CHD1: variants seen among roughly 807,000 people sequenced by gnomAD.
The protein encoded by CHD1 is ATP-dependent chromatin remodeler CHD1.
Under a neutral mutation model 224.2 loss-of-function variants are expected in CHD1, and 36 were observed. The observed-to-expected ratio is 0.16, with a 90% CI of 0.12 to 0.21. The LOEUF (loss-of-function observed/expected upper bound fraction) is 0.21, where lower values mean the gene tolerates loss of function less well. Ranked by LOEUF, CHD1 falls within the 10% of genes least tolerant of loss-of-function variation. The pLI, the probability that CHD1 is intolerant of heterozygous loss-of-function variation, is 1.00. For synonymous variants in CHD1, 668 were observed against 658.3 expected (o/e 1.01, Z -0.23); for missense variants, 1,378 against 1,994.8 (o/e 0.69, Z 5.89).
intron 9 of CHD1, 99 bp downstream of exon 9, chr5:98,898,565 C>G (rs1218161432): frequency 1.7e-6 from 2 of 1,194,248 alleles, no homozygotes; most frequent in African/African-American, 3.1e-5. Context: ...TTAGTAAGAG[C>G]AAGCTACTGT....
In CHD1 at chr5:98,901,309, C is replaced by G. The variant is rs757982108; in HGVS notation, c.464G>C (p.Gly155Ala). 6.2e-7 allele frequency: 1 copy of G among 1,610,894 alleles called. No individual in the cohort carries two copies. Among genetic ancestry groups the G allele is most frequent in the Non-Finnish European group, 8.5e-7 (1 of 1,179,220 alleles). Reference protein sequence around the residue: ...KDEDWQMSGSGSPSQSGSDSE... With the variant: ...KDEDWQMSGSASPSQSGSDSE... The stretch of plus-strand genomic sequence containing the variant: ...ATCTGAACCAGACTGAGATGGAGAT[C>G]CTGACCCAGACATTTGCCAATCTTC... The change falls in exon 6 of 36, where the codon GGA (glycine) becomes GCA (alanine). Residue 155 changes from glycine (G) to alanine (A), a missense_variant. Coordinates refer to ENST00000614616, the MANE Select transcript of CHD1 (RefSeq NM_001270.4).
chr5:98,866,384 T>C (rs1301013563), intron 31 of CHD1, among the ~76,000 whole-genome samples: 1 of 152,130 alleles, frequency 6.6e-6, no homozygotes, highest in Non-Finnish European at 1.5e-5. Context: ...ATAGTTGAAC[T>C]ATATTAGGGC....
chr5:98,915,029 C>G (rs1488258069), intron 2 of CHD1, among the ~76,000 whole-genome samples: 3 of 152,062 alleles, frequency 2.0e-5, no homozygotes, highest in African/African-American at 7.2e-5. Context: ...TTAACAACAA[C>G]AACAAAAAAA....
Position 98,856,354 on chromosome 5 carries a change from C to A in CHD1, c.*26G>T. Reference sequence around the variant, plus strand: ...TATGATATATGGCTAAAAGAAAAGTCCAGAAAGACGAAGTATCAGTTTTTG... The same window carrying A: ...TATGATATATGGCTAAAAGAAAAGTACAGAAAGACGAAGTATCAGTTTTTG... On this transcript the variant is annotated 3_prime_UTR_variant, in exon 36 of 36. Transcript: ENST00000614616. The A allele has an allele frequency of 6.4e-7, 1 of 1,564,678 alleles. No homozygotes were observed. Among genetic ancestry groups the A allele is most frequent in the South Asian group, 1.1e-5 (1 of 89,128 alleles).
chr5:98,920,003 T>C (rs1209061728), intron 2 of CHD1, among the ~76,000 whole-genome samples: 1 of 152,014 alleles, frequency 6.6e-6, no homozygotes, highest in Non-Finnish European at 1.5e-5. Context: ...CGAGCCAACC[T>C]AAAAAAGCTT....
At position 98,928,536 on chromosome 5, in the gene CHD1, T is replaced by C. The variant is rs1338617501; in HGVS notation, c.-149+3A>G. On this transcript the variant is annotated splice_donor_region_variant and intron_variant, in intron 1 of 35. Coordinates refer to ENST00000614616, the MANE Select transcript of CHD1 (RefSeq NM_001270.4). Reference sequence around the variant, plus strand: ...CTGACCCGCCCGCCGCCCCCTTTCTTACCGGCGGGCTTGGCGGGGCGGAGG... The same window carrying C: ...CTGACCCGCCCGCCGCCCCCTTTCTCACCGGCGGGCTTGGCGGGGCGGAGG... 3 of 151,592 alleles carry C rather than the reference T, an allele frequency of 2.0e-5. No homozygotes were observed. The highest frequency in any genetic ancestry group is 4.4e-5 in the Non-Finnish European group (3 of 67,874). The allele number at this position is 151,592 out of a possible 1,614,324, so 9.4% of individuals were successfully genotyped here.
In CHD1 at chr5:98,856,190, C is replaced by G; in HGVS notation, c.*190G>C. 2 of 550,680 alleles carry G rather than the reference C, an allele frequency of 3.6e-6. No individual in the cohort carries two copies. Among genetic ancestry groups the G allele is most frequent in the Non-Finnish European group, 6.5e-6 (2 of 306,980 alleles). The allele number at this position is 550,680 out of a possible 1,614,324, so 34.1% of individuals were successfully genotyped here. ...ACTACAATTTTGTAGTACAGTGCAG[C>G]ATAATCCTTAAATATAAAAATATTT... On this transcript the variant is annotated 3_prime_UTR_variant, in exon 36 of 36. Transcript: ENST00000614616.
chr5:98,869,853 A>T lies in CHD1; in HGVS notation c.4008T>A (p.Ala1336=). Residue 1336 remains alanine, a synonymous_variant, in exon 30 of 36, where the codon GCT becomes GCA. Coordinates refer to ENST00000614616, the MANE Select transcript of CHD1 (RefSeq NM_001270.4). ...AGSSKRRKAR[A]KKNKAMKSIK... ...TAGACTTCATTGCTTTATTCTTCTTAGCTCTTGCTTTTCTCCTCTTTGAAC... is the reference window on the plus strand; with the variant it reads ...TAGACTTCATTGCTTTATTCTTCTTTGCTCTTGCTTTTCTCCTCTTTGAAC... The T allele has an allele frequency of 6.2e-7, 1 of 1,606,788 alleles. No homozygotes were observed.
intron 2 of CHD1, among the ~76,000 whole-genome samples, chr5:98,908,629 A>G (rs995048375): frequency 1.3e-5 from 2 of 152,300 alleles, no homozygotes; most frequent in African/African-American, 4.8e-5. Context: ...TCTCCAATTA[A>G]TATTTTATTT....
intron 5 of CHD1, among the ~76,000 whole-genome samples, chr5:98,902,010 A>G (rs1751749541): frequency 6.6e-6 from 1 of 152,114 alleles, no homozygotes; most frequent in South Asian, 2.1e-4. Flanking sequence ...ACTATGATGA[A>G]GGCTACATAA....
intron 22 of CHD1, 44 bp downstream of exon 22, chr5:98,881,032 C>G: frequency 9.2e-7 from 1 of 1,083,914 alleles, no homozygotes; most frequent in Non-Finnish European, 1.4e-6. Context: ...AACTCAATTC[C>G]TCTCAATTTA....
At chr5:98,920,981 C>T (rs1046713845) in intron 2 of CHD1, among the ~76,000 whole-genome samples, 1 of 151,802 alleles carries the variant, frequency 6.6e-6, no homozygotes, top group Non-Finnish European at 1.5e-5. Context: ...AATCCTACAA[C>T]AGAAAAGAGG....
intron 18 of CHD1, among the ~76,000 whole-genome samples, chr5:98,885,264 C>T (rs566907613): frequency 1.6e-4 from 25 of 152,098 alleles, no homozygotes; most frequent in African/African-American, 5.1e-4. Context: ...CAGTGGCACG[C>T]GCCTGTAATC....
At chr5:98,867,251 C>T (rs1371114090) in intron 31 of CHD1, among the ~76,000 whole-genome samples, 1 of 152,136 alleles carries the variant, frequency 6.6e-6, no homozygotes, top group Non-Finnish European at 1.5e-5. Flanking sequence ...GTTTCTCCCT[C>T]ACTTTGAGGA....
chr5:98,864,456 G>C (rs1038779736), intron 31 of CHD1, among the ~76,000 whole-genome samples: 1 of 142,780 alleles, frequency 7.0e-6, no homozygotes, highest in African/African-American at 2.7e-5. Flanking sequence ...GAGGCGGGAG[G>C]ATCACTTGAG....
intron 22 of CHD1, among the ~76,000 whole-genome samples, chr5:98,880,739 T>C (rs1310288242): frequency 6.6e-6 from 1 of 152,238 alleles, no homozygotes; most frequent in African/African-American, 2.4e-5. Context: ...CAAAAAAATA[T>C]CAGCTGAAAG....
chr5:98,868,379 C>A, intron 31 of CHD1, 116 bp downstream of exon 31: 8 of 566,070 alleles, frequency 1.4e-5, no homozygotes, highest in Admixed American at 4.0e-5. Context: ...AAATACATTG[C>A]TTTTATCAAT....
At chr5:98,900,531 G>A (rs954448453) in intron 7 of CHD1, among the ~76,000 whole-genome samples, 7 of 149,642 alleles carry the variant, frequency 4.7e-5, no homozygotes, top group Admixed American at 4.0e-4. Flanking sequence ...CCTCAGCCTC[G>A]TGGGTTCAAG....
chr5:98,859,267 G>A (rs934745521), intron 33 of CHD1, among the ~76,000 whole-genome samples: 3 of 152,064 alleles, frequency 2.0e-5, no homozygotes, highest in Admixed American at 6.5e-5. Context: ...AAAATACTGA[G>A]TTCCCTTCAT....
Sources: gnomAD v4.1 joint callset for allele counts (sites outside exome capture counted in the v4.1 genomes callset) on GRCh38, gnomAD v4.1.1 for gene constraint, MANE v1.5 for transcripts, NCBI Gene and HGNC (gene_info 2026-07-23, HGNC 2026-07-21) for gene names.